The following ZFPM2 variants were observed in gnomAD, a reference collection of about 807,000 sequenced individuals.
The protein encoded by ZFPM2 is zinc finger protein, FOG family member 2.
In ZFPM2, 20 loss-of-function variants were observed where a neutral mutation model predicts 98.6. The ratio of observed to expected loss-of-function variants is 0.20; its 90% confidence interval spans 0.14 to 0.29. The LOEUF is 0.29. Ranked by LOEUF, ZFPM2 falls within the 10% of genes least tolerant of loss-of-function variation. The pLI is 1.00. For synonymous variants in ZFPM2, 518 were observed against 502.7 expected (o/e 1.03, Z -0.41); for missense variants, 1,310 against 1,388.6 (o/e 0.94, Z 0.90).
chr8:105,736,711 G>T (rs1812080511), intron 5 of ZFPM2, among the ~76,000 whole-genome samples: 1 of 151,972 alleles, frequency 6.6e-6, no homozygotes, highest in Non-Finnish European at 1.5e-5. Context: ...GGCTACACAT[G>T]GAAGAACATT....
chr8:105,394,050 T>A, intron 1 of ZFPM2, among the ~76,000 whole-genome samples: 1 of 151,962 alleles, frequency 6.6e-6, no homozygotes, highest in South Asian at 2.1e-4. Flanking sequence ...CCTGCCACCA[T>A]GCCCGGCTAA....
At chr8:105,768,124 CCG>C (rs1812896773) in intron 5 of ZFPM2, among the ~76,000 whole-genome samples, 1 of 151,530 alleles carries the variant, frequency 6.6e-6, no homozygotes, top group Non-Finnish European at 1.5e-5. Flanking sequence ...CTCTCTCTCT[CCG>C]TCTCTCTTTA....
At chr8:105,786,753 A>G in intron 5 of ZFPM2, among the ~76,000 whole-genome samples, 1 of 152,258 alleles carries the variant, frequency 6.6e-6, no homozygotes, top group East Asian at 1.9e-4. Context: ...GAATTTGAGC[A>G]TAAATACTCT....
chr8:105,331,510 T>A (rs978517492), intron 1 of ZFPM2, among the ~76,000 whole-genome samples: 2 of 151,714 alleles, frequency 1.3e-5, no homozygotes, highest in Non-Finnish European at 3.0e-5. Context: ...ACCAATGTAC[T>A]TTATGTAGAG....
At chr8:105,362,701 A>C (rs1159507342) in intron 1 of ZFPM2, among the ~76,000 whole-genome samples, 1 of 152,124 alleles carries the variant, frequency 6.6e-6, no homozygotes, top group Non-Finnish European at 1.5e-5. Flanking sequence ...AATGCGCGGA[A>C]AGTCTGAGTG....
chr8:105,651,703 T>C (rs561283716), intron 5 of ZFPM2, among the ~76,000 whole-genome samples: 4 of 151,146 alleles, frequency 2.6e-5, no homozygotes, highest in Middle Eastern at 3.4e-3. Context: ...AAGGCAACAA[T>C]TCAATTTTTC....
At chr8:105,484,071 G>A (rs1305122574) in intron 3 of ZFPM2, among the ~76,000 whole-genome samples, 1 of 151,848 alleles carries the variant, frequency 6.6e-6, no homozygotes, top group African/African-American at 2.4e-5. Context: ...TTACTTTGAT[G>A]TTCTGCAGTT....
At chr8:105,462,600 A>G (rs1586390271) in intron 3 of ZFPM2, among the ~76,000 whole-genome samples, 1 of 152,090 alleles carries the variant, frequency 6.6e-6, no homozygotes, top group South Asian at 2.1e-4. Context: ...TATCTCTACA[A>G]TGGGAGTGCT....
At chr8:105,621,791 A>T (rs1816553000) in intron 4 of ZFPM2, among the ~76,000 whole-genome samples, 1 of 152,128 alleles carries the variant, frequency 6.6e-6, no homozygotes. Context: ...TATAAATATT[A>T]TTGAATGAAT....
intron 3 of ZFPM2, among the ~76,000 whole-genome samples, chr8:105,482,278 C>T (rs971498010): frequency 6.6e-6 from 1 of 152,174 alleles, no homozygotes; most frequent in South Asian, 2.1e-4. Context: ...GGCTATAATT[C>T]TGTTTACTCT....
rs551994733 is a variant in ZFPM2 at position 105,496,794 on chromosome 8, C to G, written c.301+52413C>G. Among the ~76,000 whole-genome samples, 185 of 149,542 alleles carry G rather than the reference C, an allele frequency of 1.2e-3. 2 individuals are homozygous for G. The highest frequency in any genetic ancestry group is 4.5e-3 in the African/African-American group (184 of 41,020). On this transcript the variant is annotated intron_variant, in intron 3 of 7. Coordinates refer to ENST00000407775, the MANE Select transcript of ZFPM2 (RefSeq NM_012082.4). ...GCCCGGGAGTTTGAGATCAGCCTGA[C>G]CAACATGGAGAAACCCTGTCTCTAC...
intron 3 of ZFPM2, among the ~76,000 whole-genome samples, chr8:105,469,773 T>C (rs912636703): frequency 1.3e-5 from 2 of 152,220 alleles, no homozygotes; most frequent in Non-Finnish European, 2.9e-5. Context: ...AACACTATGA[T>C]GGGATTCTGT....
chr8:105,706,527 G>A (rs1421155492), intron 5 of ZFPM2, among the ~76,000 whole-genome samples: 5 of 151,854 alleles, frequency 3.3e-5, no homozygotes, highest in Admixed American at 6.6e-5. Flanking sequence ...ATATTTTTTT[G>A]TTCCTGGTAA....
intron 4 of ZFPM2, among the ~76,000 whole-genome samples, chr8:105,609,491 C>T (rs1393466763): frequency 6.6e-6 from 1 of 152,116 alleles, no homozygotes; most frequent in East Asian, 1.9e-4. Flanking sequence ...CTAAAAGCTA[C>T]AAGCATTTTA....
At chr8:105,735,450 A>C (rs1274439178) in intron 5 of ZFPM2, among the ~76,000 whole-genome samples, 1 of 151,798 alleles carries the variant, frequency 6.6e-6, no homozygotes, top group Non-Finnish European at 1.5e-5. Flanking sequence ...AAAACAACTC[A>C]GTTTTTATAA....
intron 1 of ZFPM2, among the ~76,000 whole-genome samples, chr8:105,406,864 C>G (rs1563644484): frequency 6.6e-6 from 1 of 151,904 alleles, no homozygotes; most frequent in Non-Finnish European, 1.5e-5. Context: ...ATAGTAGGCA[C>G]CATAATATTT....
intron 3 of ZFPM2, among the ~76,000 whole-genome samples, chr8:105,498,409 T>C (rs1025860036): frequency 1.4e-4 from 21 of 152,238 alleles, no homozygotes; most frequent in South Asian, 2.1e-4. Context: ...ACCTACAATG[T>C]GGCTAGTGTT....
At chr8:105,773,674 A>T (rs900545346) in intron 5 of ZFPM2, among the ~76,000 whole-genome samples, 2 of 150,922 alleles carry the variant, frequency 1.3e-5, no homozygotes, top group Admixed American at 1.3e-4. Context: ...TAAAATAAAA[A>T]TAAATAAAAA....
chr8:105,778,992 GA>G (rs1813179968), intron 5 of ZFPM2, among the ~76,000 whole-genome samples: 1 of 148,320 alleles, frequency 6.7e-6, no homozygotes, highest in Non-Finnish European at 1.5e-5. Flanking sequence ...TCTTCCCCCA[GA>G]ATTTCTAGTC....
Sources: allele counts gnomAD v4.1 joint callset (sites outside exome capture counted in the v4.1 genomes callset), GRCh38; gene constraint gnomAD v4.1.1; transcripts MANE v1.5; gene names NCBI Gene and HGNC (gene_info 2026-07-23, HGNC 2026-07-21).